HLA-DRB1: variants seen among roughly 807,000 people sequenced by gnomAD.
HLA-DRB1 encodes major histocompatibility complex, class II, DR beta 1.
In HLA-DRB1, 10 loss-of-function variants were observed where a neutral mutation model predicts 27.9. That is an observed-to-expected ratio of 0.36 (90% CI 0.22 to 0.61). The LOEUF (loss-of-function observed/expected upper bound fraction) is 0.61, where lower values mean the gene tolerates loss of function less well. Among genes scored for constraint, HLA-DRB1 ranks in the 20% least tolerant of loss-of-function variants. The probability of loss-of-function intolerance (pLI) is 0.73; values close to 1 mark genes in which losing one functional copy is unlikely to be tolerated. For synonymous variants in HLA-DRB1, 57 were observed against 126.7 expected (o/e 0.45, Z 3.69); for missense variants, 118 against 306.3 (o/e 0.39, Z 4.59).
At chr6:32,585,952 C>T (rs35092298) in intron 1 of HLA-DRB1, among the ~76,000 whole-genome samples, 15,874 of 80,022 alleles carry the variant, frequency 0.2, 2,650 homozygotes, top group Admixed American at 0.21. Context: ...CAAAATGTTA[C>T]ATGGCATATA....
intron 1 of HLA-DRB1, among the ~76,000 whole-genome samples, chr6:32,585,489 C>A (rs115903840): frequency 0.36 from 30,657 of 84,534 alleles, 3,164 homozygotes; most frequent in Admixed American, 0.41. Context: ...GATGACACTT[C>A]TTAGCACTGA....
chr6:32,585,974 TG>T (rs1776323960), intron 1 of HLA-DRB1, among the ~76,000 whole-genome samples: 1 of 100,096 alleles, frequency 1.0e-5, no homozygotes. Flanking sequence ...TGATGGCGAC[TG>T]GATTCATTTT....
At chr6:32,587,959 A>T (rs34977123) in intron 1 of HLA-DRB1, among the ~76,000 whole-genome samples, 1 of 143,186 alleles carries the variant, frequency 7.0e-6, no homozygotes, top group Non-Finnish European at 1.5e-5. Context: ...AAACCAGGGT[A>T]TGGGAACTGA....
In HLA-DRB1 at chr6:32,583,896, C is replaced by T. The variant is rs201153967; in HGVS notation, c.370+213G>A. 6.2e-4 allele frequency among the ~76,000 whole-genome samples: 44 copies of T among 71,098 alleles called. 3 individuals are homozygous for T. Among genetic ancestry groups the T allele is most frequent in the South Asian group, 1.9e-3 (4 of 2,066 alleles). The allele number at this position is 71,098 out of a possible 152,430, so 46.6% of individuals were successfully genotyped here. ...AACAGACACACAGACACAGACAAAT[C>T]CACACTTTACACACACACCTGTGCT... is the stretch of plus-strand genomic sequence containing the variant. On this transcript the variant is annotated intron_variant, in intron 2 of 5. Coordinates refer to ENST00000360004, the Ensembl canonical transcript of HLA-DRB1.
At chr6:32,579,022 A>AGG (rs753402410) in exon 6 of HLA-DRB1, 6,408 of 531,300 alleles carry the variant, frequency 0.012, 53 homozygotes, top group East Asian at 0.036. Context: ...AATAACTGCC[A>AGG]AGCAGGAAAG....
At position 32,584,095 on chromosome 6, in the gene HLA-DRB1, G is replaced by C. The variant is rs28724085; in HGVS notation, c.370+14C>G. ...GCTCACGGGGACTCAGGCCCCGCCCGCGGCCATGCTCACCTCGCCGCTGCA... is the reference window on the plus strand; with the variant it reads ...GCTCACGGGGACTCAGGCCCCGCCCCCGGCCATGCTCACCTCGCCGCTGCA... On this transcript the variant is annotated intron_variant, in intron 2 of 5. Coordinates refer to ENST00000360004, the Ensembl canonical transcript of HLA-DRB1. The C allele has an allele frequency of 8.1e-3, 3,855 of 475,076 alleles. 1,037 individuals are homozygous for C. Among genetic ancestry groups the C allele is most frequent in the Admixed American group, 0.024 (427 of 17,956 alleles). The allele number at this position is 475,076 out of a possible 1,614,324, so 29.4% of individuals were successfully genotyped here. A position where few individuals can be genotyped will look rare whatever the true frequency, so the allele number is the denominator to read the frequency against.
At chr6:32,582,520 C>T (rs9269852) in intron 2 of HLA-DRB1, among the ~76,000 whole-genome samples, 41 of 95,634 alleles carry the variant, frequency 4.3e-4, no homozygotes, top group East Asian at 9.4e-4. Context: ...GAATACTACT[C>T]CCATGCACTC....
At chr6:32,586,908 C>CA (rs1776479760) in intron 1 of HLA-DRB1, among the ~76,000 whole-genome samples, 1 of 92,910 alleles carries the variant, frequency 1.1e-5, no homozygotes, top group South Asian at 3.4e-4. Context: ...ACAAGCTAAG[C>CA]AAAAATACAT....
Position 32,579,375 on chromosome 6 carries a change from T to C in HLA-DRB1, c.788-271A>G, listed in dbSNP as rs9269703. On this transcript the variant is annotated intron_variant, in intron 5 of 5. Coordinates refer to ENST00000360004, the Ensembl canonical transcript of HLA-DRB1. Reference sequence around the variant, plus strand: ...CCTCTACCATCATTCTGGTGTGTCCTGAGTTTGTTCCTTCCGGTGGGTTTG... The same window carrying C: ...CCTCTACCATCATTCTGGTGTGTCCCGAGTTTGTTCCTTCCGGTGGGTTTG... 5.2e-3 allele frequency among the ~76,000 whole-genome samples: 343 copies of C among 65,958 alleles called. 19 individuals carry two copies. The highest frequency in any genetic ancestry group is 0.021 in the South Asian group (40 of 1,928). The allele number at this position is 65,958 out of a possible 152,430, so 43.3% of individuals were successfully genotyped here.
chr6:32,584,705 C>A (rs1291632100), intron 1 of HLA-DRB1, among the ~76,000 whole-genome samples: 29,497 of 101,100 alleles, frequency 0.29, 2,295 homozygotes, highest in East Asian at 0.35. Flanking sequence ...TCCTGGGAGC[C>A]CCAAAGACAC....
intron 5 of HLA-DRB1, 137 bp from the exon 6 acceptor site, chr6:32,579,241 C>T: frequency 4.9e-6 from 1 of 205,158 alleles, no homozygotes; most frequent in African/African-American, 7.1e-5. Context: ...GCCAATAGTC[C>T]CGCAGAGCAC....
chr6:32,584,009 T>TCA (rs1491589177), intron 2 of HLA-DRB1, 100 bp downstream of exon 2: 1 of 312,420 alleles, frequency 3.2e-6, no homozygotes, highest in South Asian at 4.2e-5. Context: ...TCTCTCTCTG[T>TCA]CTCTCTCTCA....
exon 2 of HLA-DRB1, chr6:32,584,375 C>T: frequency 1.3e-6 from 1 of 788,800 alleles, no homozygotes; most frequent in South Asian, 1.5e-5. Context: ...CCACAGGAAA[C>T]GTGCTGTGGG....
At chr6:32,586,271 C>T (rs374721358) in intron 1 of HLA-DRB1, among the ~76,000 whole-genome samples, 2,436 of 86,832 alleles carry the variant, frequency 0.028, 15 homozygotes, top group Admixed American at 0.048. Context: ...GCTCTCTACT[C>T]AAAACAGTCA....
chr6:32,580,509 CA>C (rs750214771), intron 4 of HLA-DRB1, among the ~76,000 whole-genome samples: 11,043 of 110,232 alleles, frequency 0.1, 955 homozygotes, highest in East Asian at 0.12. Context: ...TCCAGGATCT[CA>C]AACCAAAGGA....
In HLA-DRB1 at chr6:32,583,793, C is replaced by G. The variant is rs796882640; in HGVS notation, c.370+316G>C. ...CAAGGTCTCCTCTCTCTCCAGCCCCCAGCACCCACCTCCCTTGTCACCTCC... is the reference window on the plus strand; with the variant it reads ...CAAGGTCTCCTCTCTCTCCAGCCCCGAGCACCCACCTCCCTTGTCACCTCC... On this transcript the variant is annotated intron_variant, in intron 2 of 5. Coordinates refer to ENST00000360004, the Ensembl canonical transcript of HLA-DRB1. Among the ~76,000 whole-genome samples, 305 of 83,034 alleles carry G rather than the reference C, an allele frequency of 3.7e-3. 21 individuals are homozygous for G. Among genetic ancestry groups the G allele is most frequent in the South Asian group, 0.01 (22 of 2,134 alleles). The allele number at this position is 83,034 out of a possible 152,430, so 54.5% of individuals were successfully genotyped here.
At chr6:32,589,469 G>A (rs17210959) in intron 1 of HLA-DRB1, among the ~76,000 whole-genome samples, 174 bp downstream of exon 1, 148 of 92,136 alleles carry the variant, frequency 1.6e-3, no homozygotes, top group East Asian at 2.5e-3. Flanking sequence ...CATGAAGAGG[G>A]CAAGTACCCA....
intron 1 of HLA-DRB1, among the ~76,000 whole-genome samples, chr6:32,584,648 A>C (rs1411623132): frequency 1.4e-5 from 2 of 147,402 alleles, no homozygotes; most frequent in South Asian, 4.3e-4. Flanking sequence ...ACCTCCAAGC[A>C]GGAGCTGGAG....
chr6:32,584,142 C>G (rs17879213), exon 2 of HLA-DRB1: 8 of 1,458,686 alleles, frequency 5.5e-6, no homozygotes, highest in Non-Finnish European at 7.4e-6. Flanking sequence ...TCCACAACCC[C>G]GTAGTTGTGT....
Sources: gnomAD v4.1 joint callset for allele counts (sites outside exome capture counted in the v4.1 genomes callset) on GRCh38, gnomAD v4.1.1 for gene constraint, MANE v1.5 for transcripts, NCBI Gene and HGNC (gene_info 2026-07-23, HGNC 2026-07-21) for gene names.